Variants in DCHS2 observed in about 807,000 individuals in gnomAD.
The protein encoded by DCHS2 is dachsous cadherin-related 2.
DCHS2 carries 142 observed loss-of-function variants against 182.4 expected under a neutral mutation model. The observed-to-expected ratio is 0.78, with a 90% CI of 0.68 to 0.89. The LOEUF is 0.89. DCHS2 is among the 40% of genes least tolerant of loss of function. The pLI is 0.00. For synonymous variants in DCHS2, 1,740 were observed against 1,663.3 expected, an observed-to-expected ratio of 1.05 and a Z score of -1.12; for missense variants, 4,319 against 4,198.6, an observed-to-expected ratio of 1.03 and a Z score of -0.79.
intron 13 of DCHS2, chr4:154,284,458 G>T (rs1197691356): frequency 2.0e-5 from 3 of 152,206 alleles, no homozygotes; most frequent in Non-Finnish European, 4.4e-5. Context: ...CACAGTACCT[G>T]GTTTTTACTT....
intron 3 of DCHS2, among the ~76,000 whole-genome samples, chr4:154,339,451 CTTTT>C (rs761820833): frequency 1.4e-5 from 2 of 141,302 alleles, no homozygotes; most frequent in Non-Finnish European, 3.1e-5. Flanking sequence ...CATGAACAAA[CTTTT>C]TTTTTTTTTT....
rs1234188462 is a variant in DCHS2, at chr4:154,298,531, T to A, written c.5783A>T (p.Asp1928Val). ...HLQVRVLDAN[D>V]HSPSFPTLYY... is the part of the protein sequence containing the mutation. ...AAGTGTGGGAAAAGAAGGACTGTGGTCATTGGCATCCAAAACTCTAACTTG... is the reference window on the plus strand; with the variant it reads ...AAGTGTGGGAAAAGAAGGACTGTGGACATTGGCATCCAAAACTCTAACTTG... Residue 1928 changes from aspartate to valine, a missense_variant, in exon 13 of 20, where the codon GAC (aspartate) becomes GTC (valine). Coordinates refer to ENST00000357232, the MANE Select transcript of DCHS2 (RefSeq NM_001358235.2). 2 of 1,614,056 alleles carry A rather than the reference T, an allele frequency of 1.2e-6. No homozygotes were observed. The highest frequency in any genetic ancestry group is 2.7e-5 in the African/African-American group (2 of 74,932).
At chr4:154,321,345 A>G in intron 8 of DCHS2, 123 bp from the exon 9 acceptor site, 1 of 1,086,178 alleles carries the variant, frequency 9.2e-7, no homozygotes, top group Non-Finnish European at 1.2e-6. Context: ...TTAATTAGTG[A>G]GAAAAATGTC....
chr4:154,286,900 C>A (rs557583153), intron 13 of DCHS2, among the ~76,000 whole-genome samples: 1 of 152,160 alleles, frequency 6.6e-6, no homozygotes, highest in East Asian at 1.9e-4. Context: ...AAGAAGACTA[C>A]CTCAAGGCAT....
chr4:154,261,214 G>A (rs140485929), intron 14 of DCHS2, among the ~76,000 whole-genome samples: 78 of 152,262 alleles, frequency 5.1e-4, no homozygotes, highest in African/African-American at 1.5e-3. Flanking sequence ...TAAGTTATGC[G>A]GTTGACATAA....
chr4:154,261,771 T>C (rs1732997271), intron 14 of DCHS2: 1 of 152,228 alleles, frequency 6.6e-6, no homozygotes, highest in African/African-American at 2.4e-5. Context: ...CAAATTTAGT[T>C]ATCAATTTAG....
chr4:154,318,054 T>G (rs1735924353), intron 9 of DCHS2, among the ~76,000 whole-genome samples: 1 of 152,158 alleles, frequency 6.6e-6, no homozygotes, highest in Admixed American at 6.5e-5. Flanking sequence ...TGGTACCATA[T>G]CCTACCCTGC....
chr4:154,370,410 A>G lies in DCHS2; in HGVS notation c.2245-3969T>C, dbSNP rs148597422. Among the ~76,000 whole-genome samples, 778 of 152,308 alleles carry G rather than the reference A, an allele frequency of 5.1e-3. 5 individuals are homozygous for G. The highest frequency in any genetic ancestry group is 0.016 in the African/African-American group (679 of 41,582). On this transcript the variant is annotated intron_variant, in intron 2 of 19. Coordinates refer to ENST00000357232, the MANE Select transcript of DCHS2 (RefSeq NM_001358235.2). ...GGAGACTTGCTGTGAAGAAAGAAGA[A>G]GAATAAAATGGTTTTCTGAAAAGGT...
intron 1 of DCHS2, among the ~76,000 whole-genome samples, chr4:154,467,618 T>A (rs921265920): frequency 6.6e-6 from 1 of 152,166 alleles, no homozygotes. Flanking sequence ...AGGTATATTA[T>A]GTCCAAGTAT....
intron 3 of DCHS2, among the ~76,000 whole-genome samples, chr4:154,349,095 ATTTAG>A (rs1729487513): frequency 6.6e-6 from 1 of 152,052 alleles, no homozygotes; most frequent in Non-Finnish European, 1.5e-5. Flanking sequence ...ATGACAACAA[ATTTAG>A]TTTAAAGATC....
At chr4:154,271,365 A>G (rs1357075146) in intron 13 of DCHS2, among the ~76,000 whole-genome samples, 1 of 152,200 alleles carries the variant, frequency 6.6e-6, no homozygotes. Context: ...TGTAGCATGA[A>G]AGTAGTCACA....
chr4:154,417,063 G>T (rs1000468057), intron 1 of DCHS2, among the ~76,000 whole-genome samples: 1 of 152,168 alleles, frequency 6.6e-6, no homozygotes, highest in African/African-American at 2.4e-5. Flanking sequence ...CCACAGGATC[G>T]CGGCGGGGTC....
At chr4:154,419,192 C>T (rs1355668276) in intron 1 of DCHS2, among the ~76,000 whole-genome samples, 1 of 152,090 alleles carries the variant, frequency 6.6e-6, no homozygotes, top group Non-Finnish European at 1.5e-5. Flanking sequence ...TAGTTGTATT[C>T]TTGGGTAATT....
At chr4:154,373,491 T>G (rs13125339) in intron 2 of DCHS2, among the ~76,000 whole-genome samples, 46,225 of 152,002 alleles carry the variant, frequency 0.3, 7,581 homozygotes, top group East Asian at 0.47. Flanking sequence ...AAAACACATA[T>G]GTTGCTTGCT....
At chr4:154,357,764 A>G (rs1729943267) in intron 3 of DCHS2, among the ~76,000 whole-genome samples, 1 of 152,164 alleles carries the variant, frequency 6.6e-6, no homozygotes, top group South Asian at 2.1e-4. Context: ...CCCTTTCTGG[A>G]CAGGGCTTAA....
chr4:154,489,521 C>A lies in DCHS2; in HGVS notation c.1835G>T (p.Ser612Ile). ...AGTCCGGATAGTGCTGATCGCACCG[C>A]TTTCGGAATCAATGGCAAAAGATGG... ...CGPSFAIDSE[S>I]GAISTIRTLD... Residue 612 changes from serine (S) to isoleucine (I), a missense_variant, in exon 1 of 20, where the codon AGC (serine) becomes ATC (isoleucine). By Grantham distance (142) the Ser-to-Ile change is moderately radical. Coordinates refer to ENST00000357232, the MANE Select transcript of DCHS2 (RefSeq NM_001358235.2). 1.3e-6 allele frequency: 2 copies of A among 1,551,676 alleles called. No individual in the cohort carries two copies. Among genetic ancestry groups the A allele is most frequent in the Non-Finnish European group, 1.7e-6 (2 of 1,146,968 alleles).
At chr4:154,355,225 C>A (rs555386791) in intron 3 of DCHS2, among the ~76,000 whole-genome samples, 8 of 152,186 alleles carry the variant, frequency 5.3e-5, no homozygotes, top group South Asian at 2.1e-4. Context: ...CATAAAGAAG[C>A]AGGCCAAAAC....
chr4:154,481,919 G>A (rs1735936758), intron 1 of DCHS2, among the ~76,000 whole-genome samples: 1 of 152,184 alleles, frequency 6.6e-6, no homozygotes, highest in South Asian at 2.1e-4. Flanking sequence ...ATGAGAACGA[G>A]CAAACCTCTT....
At chr4:154,419,154 A>C (rs912289736) in intron 1 of DCHS2, among the ~76,000 whole-genome samples, 1 of 152,200 alleles carries the variant, frequency 6.6e-6, no homozygotes, top group Non-Finnish European at 1.5e-5. Flanking sequence ...GTTACAAATA[A>C]AGTTTCATCT....
Sources: allele counts gnomAD v4.1 joint callset (sites outside exome capture counted in the v4.1 genomes callset), GRCh38; gene constraint gnomAD v4.1.1; transcripts MANE v1.5; gene names NCBI Gene and HGNC (gene_info 2026-07-23, HGNC 2026-07-21).